The following FAAH2 variants were observed in gnomAD, a reference collection of about 807,000 sequenced individuals.
The protein encoded by FAAH2 is fatty-acid amide hydrolase 2.
A neutral mutation model predicts 36.9 loss-of-function variants in FAAH2; 60 were observed. That is an observed-to-expected ratio of 1.63 (90% CI 1.32 to 2.02). The LOEUF is 2.02. Among genes scored for constraint, FAAH2 ranks in the 30% most tolerant of loss-of-function variants. FAAH2 has a pLI of 0.00. For synonymous variants in FAAH2, 214 were observed against 143.8 expected, an observed-to-expected ratio of 1.49 and a Z score of -3.49; for missense variants, 689 against 397.5, an observed-to-expected ratio of 1.73 and a Z score of -6.23.
the FAAH2 span, among the ~76,000 whole-genome samples, chrX:57,214,059 G>A: frequency 9.0e-6 from 1 of 111,442 alleles, no homozygotes; most frequent in Non-Finnish European, 1.9e-5. Context: ...ATATAATTGT[G>A]TTATTTGTCT....
At chrX:57,330,851 G>A (rs1367209253) in intron 3 of FAAH2, among the ~76,000 whole-genome samples, 2 of 111,033 alleles carry the variant, frequency 1.8e-5, no homozygotes, top group African/African-American at 6.6e-5. Context: ...TCTGTGGCAG[G>A]TCTGTTCCAG....
chrX:57,434,215 A>G (rs1428556463), intron 8 of FAAH2, among the ~76,000 whole-genome samples: 6 of 107,054 alleles, frequency 5.6e-5, no homozygotes, highest in Non-Finnish European at 9.6e-5. Flanking sequence ...AGCTGGGGCT[A>G]CAAGCACACG....
At chrX:57,389,462 A>G (rs2055111868) in intron 7 of FAAH2, among the ~76,000 whole-genome samples, 1 of 108,885 alleles carries the variant, frequency 9.2e-6, no homozygotes, top group Admixed American at 1.0e-4. Context: ...TAAATAAATG[A>G]TATTATAAAA....
At chrX:57,310,486 C>G (rs1232539717) in intron 2 of FAAH2, 107 bp from the exon 3 acceptor site, 2 of 894,442 alleles carry the variant, frequency 2.2e-6, no homozygotes, top group African/African-American at 4.1e-5. Context: ...AGTACATTAA[C>G]TTTAATATGT....
At chrX:57,309,972 A>G (rs1426841790) in intron 2 of FAAH2, among the ~76,000 whole-genome samples, 2 of 111,855 alleles carry the variant, frequency 1.8e-5, no homozygotes, top group Non-Finnish European at 3.8e-5. Context: ...ATCAAATGGA[A>G]TTTCTGGTTC....
chrX:57,240,481 C>T, the FAAH2 span, among the ~76,000 whole-genome samples: 2 of 111,498 alleles, frequency 1.8e-5, no homozygotes, highest in Admixed American at 1.9e-4. Flanking sequence ...TGAGTAGTGG[C>T]AGTGGGTTCC....
the FAAH2 span, among the ~76,000 whole-genome samples, chrX:57,154,429 A>AT: frequency 1.8e-3 from 182 of 99,354 alleles, no homozygotes; most frequent in South Asian, 5.6e-3. Context: ...ATGCCTGGCG[A>AT]TTTTTTTTTT....
intron 7 of FAAH2, among the ~76,000 whole-genome samples, chrX:57,403,301 G>T (rs758681662): frequency 8.9e-6 from 1 of 112,063 alleles, no homozygotes. Context: ...TCCTTTTCAG[G>T]TCACCCATAG....
the FAAH2 span, among the ~76,000 whole-genome samples, chrX:57,157,608 C>A: frequency 9.0e-6 from 1 of 111,493 alleles, no homozygotes; most frequent in Non-Finnish European, 1.9e-5. Flanking sequence ...GTCATGTAGA[C>A]AATGTGAGAC....
chrX:57,334,630 G>C, intron 4 of FAAH2, among the ~76,000 whole-genome samples: 1 of 111,334 alleles, frequency 9.0e-6, no homozygotes, highest in Non-Finnish European at 1.9e-5. Flanking sequence ...CAATGTGTTG[G>C]GTGATTATAG....
the FAAH2 span, among the ~76,000 whole-genome samples, chrX:57,164,492 C>A: frequency 3.6e-5 from 4 of 111,344 alleles, no homozygotes; most frequent in African/African-American, 1.3e-4. Context: ...TAGTATAGCC[C>A]TGGTAGTCAC....
At chrX:57,359,566 C>T (rs1391098697) in intron 5 of FAAH2, among the ~76,000 whole-genome samples, 1 of 111,765 alleles carries the variant, frequency 8.9e-6, no homozygotes, top group Non-Finnish European at 1.9e-5. Context: ...TTAACTTCAA[C>T]CACATATGAA....
chrX:57,467,230 C>A (rs1479163165), intron 10 of FAAH2, among the ~76,000 whole-genome samples: 2 of 111,296 alleles, frequency 1.8e-5, no homozygotes, highest in Non-Finnish European at 3.8e-5. Flanking sequence ...ATGCATCTCA[C>A]TGGGGAGTGT....
At chrX:57,290,571 C>A (rs919821881) in intron 1 of FAAH2, among the ~76,000 whole-genome samples, 3 of 111,493 alleles carry the variant, frequency 2.7e-5, no homozygotes, top group Non-Finnish European at 5.7e-5. Context: ...TTTCTGCACA[C>A]ACTCTTTCTC....
intron 5 of FAAH2, among the ~76,000 whole-genome samples, chrX:57,353,568 C>G (rs2054085917): frequency 1.9e-5 from 2 of 106,816 alleles, no homozygotes; most frequent in Admixed American, 2.0e-4. Flanking sequence ...ATGACTAAGA[C>G]CACAAAAGCA....
intron 5 of FAAH2, among the ~76,000 whole-genome samples, chrX:57,345,789 A>G (rs980376168): frequency 9.0e-6 from 1 of 111,500 alleles, no homozygotes; most frequent in Admixed American, 9.6e-5. Context: ...TTAACAGTGC[A>G]TTACCTGAAT....
At chrX:57,486,238 T>C (rs1248654581) in intron 10 of FAAH2, among the ~76,000 whole-genome samples, 15 of 111,479 alleles carry the variant, frequency 1.3e-4, no homozygotes, top group Non-Finnish European at 2.1e-4. Context: ...ACAAGACACA[T>C]TAGGTACTTC....
At chrX:57,222,778 A>G in the FAAH2 span, among the ~76,000 whole-genome samples, 1 of 111,785 alleles carries the variant, frequency 8.9e-6, no homozygotes, top group Non-Finnish European at 1.9e-5. Context: ...ACTTCTGTGT[A>G]AACACTGTTC....
At position 57,292,529 on chromosome X, in the gene FAAH2, T is replaced by A. The variant is rs2052015445; in HGVS notation, c.224T>A (p.Ile75Asn). 1 of 1,208,543 alleles carries A rather than the reference T, an allele frequency of 8.3e-7. No homozygotes were observed. The highest frequency in any genetic ancestry group is 1.7e-5 in the African/African-American group (1 of 57,182). Residue 75 changes from isoleucine to asparagine, a missense_variant, in exon 2 of 11, where the codon ATC (isoleucine) becomes AAC (asparagine). Transcript: ENST00000374900. ...VKCIDVVQAY[I>N]NRIKDVNPMI... is the part of the protein sequence containing the mutation. ...TGTATAGATGTTGTTCAGGCTTATA[T>A]CAACAGAATCAAGGACGTGAACCCA...
Sources: gnomAD v4.1 joint callset for allele counts (sites outside exome capture counted in the v4.1 genomes callset) on GRCh38, gnomAD v4.1.1 for gene constraint, MANE v1.5 for transcripts, NCBI Gene and HGNC (gene_info 2026-07-23, HGNC 2026-07-21) for gene names.